Variants in MTMR8 observed in about 807,000 individuals in gnomAD.
MTMR8 encodes the protein phosphatidylinositol-3,5-bisphosphate 3-phosphatase MTMR8.
A neutral mutation model predicts 39.3 loss-of-function variants in MTMR8; 65 were observed. That is an observed-to-expected ratio of 1.65 (90% CI 1.35 to 2.03). The LOEUF (loss-of-function observed/expected upper bound fraction) is 2.03, where lower values mean the gene tolerates loss of function less well. Among genes scored for constraint, MTMR8 ranks in the 30% most tolerant of loss-of-function variants. The probability of loss-of-function intolerance (pLI) is 0.00; values close to 1 mark genes in which losing one functional copy is unlikely to be tolerated. For missense variants in MTMR8, 777 were observed against 538.9 expected, an observed-to-expected ratio of 1.44 and a Z score of -4.37; for synonymous variants, 245 against 185.2, an observed-to-expected ratio of 1.32 and a Z score of -2.62.
At chrX:64,285,387 C>A (rs979687896) in intron 12 of MTMR8, among the ~76,000 whole-genome samples, 2 of 111,132 alleles carry the variant, frequency 1.8e-5, no homozygotes, top group Non-Finnish European at 3.8e-5. Flanking sequence ...GACTTTAACA[C>A]CCCACTGTCA....
At chrX:64,386,836 G>T (rs1178117159) in intron 1 of MTMR8, among the ~76,000 whole-genome samples, 1 of 109,753 alleles carries the variant, frequency 9.1e-6, no homozygotes, top group Non-Finnish European at 1.9e-5. Context: ...TTGGGCCCAG[G>T]AGTTCAAGAC....
At chrX:64,308,405 G>A (rs1384995608) in intron 12 of MTMR8, among the ~76,000 whole-genome samples, 9 of 99,886 alleles carry the variant, frequency 9.0e-5, no homozygotes, top group African/African-American at 2.7e-4. Context: ...TCCTGACCTC[G>A]TGATCCACTG....
chrX:64,349,874 G>T, intron 5 of MTMR8, 68 bp downstream of exon 5: 1 of 945,349 alleles, frequency 1.1e-6, no homozygotes, highest in Non-Finnish European at 1.4e-6. Flanking sequence ...CTAAGTGGCA[G>T]CATGAAACTT....
chrX:64,300,203 G>A (rs1921802622), intron 12 of MTMR8, among the ~76,000 whole-genome samples: 3 of 108,484 alleles, frequency 2.8e-5, no homozygotes, highest in African/African-American at 1.0e-4. Context: ...CATTATTAAT[G>A]TGTGGGAGTC....
chrX:64,314,039 G>T (rs1278573966), intron 12 of MTMR8, among the ~76,000 whole-genome samples: 1 of 112,274 alleles, frequency 8.9e-6, no homozygotes, highest in Admixed American at 9.4e-5. Flanking sequence ...AAGATTTTAG[G>T]AGGCCAAGCC....
At chrX:64,359,958 CA>C (rs199603257) in intron 1 of MTMR8, among the ~76,000 whole-genome samples, 1,195 of 93,006 alleles carry the variant, frequency 0.013, 25 homozygotes, top group African/African-American at 0.044. Context: ...AAAAACAAAA[CA>C]AAAAAAAGGA....
rs1225821251 is a variant in MTMR8 at position 64,268,739 on chromosome X, C to A, written c.1913G>T (p.Gly638Val). Residue 638 changes from glycine (G) to valine (V), a missense_variant, in exon 14 of 14, where the codon GGA (glycine) becomes GTA (valine). Coordinates refer to ENST00000374852, the MANE Select transcript of MTMR8 (RefSeq NM_017677.4). Reference protein sequence around the residue: ...VGISEAMGISGDMCTFEATGF... With the variant: ...VGISEAMGISVDMCTFEATGF... ...CGTAGCCTCAAAGGTGCACATGTCT[C>A]CAGAGATGCCCATGGCCTCAGAGAT... 8 of 1,209,721 alleles carry A rather than the reference C, an allele frequency of 6.6e-6. No homozygotes were observed. The highest frequency in any genetic ancestry group is 3.4e-6 in the Non-Finnish European group (3 of 895,239).
chrX:64,292,742 G>A (rs752769721), intron 12 of MTMR8, among the ~76,000 whole-genome samples: 1 of 111,255 alleles, frequency 9.0e-6, no homozygotes, highest in East Asian at 2.8e-4. Flanking sequence ...GAATGAAAAA[G>A]GGGCTGCCTG....
At chrX:64,274,501 C>G (rs1931830285) in intron 12 of MTMR8, among the ~76,000 whole-genome samples, 1 of 111,562 alleles carries the variant, frequency 9.0e-6, no homozygotes, top group Non-Finnish European at 1.9e-5. Context: ...GAAAATGGTA[C>G]AGAGGTTTGA....
At chrX:64,378,784 A>G (rs1486269893) in intron 1 of MTMR8, among the ~76,000 whole-genome samples, 1 of 111,756 alleles carries the variant, frequency 8.9e-6, no homozygotes, top group African/African-American at 3.2e-5. Flanking sequence ...CTTCTGAAAT[A>G]TTATAGAGTA....
At chrX:64,352,591 C>T (rs753955811) in intron 4 of MTMR8, among the ~76,000 whole-genome samples, 1 of 111,351 alleles carries the variant, frequency 9.0e-6, no homozygotes, top group South Asian at 3.8e-4. Context: ...CACCATCTGC[C>T]CCTCTTCTTG....
rs200694091 is a variant in MTMR8, at chrX:64,354,833, G to A, written c.412C>T (p.Arg138Cys). The change falls in exon 4 of 14, where the codon CGT becomes TGT. Residue 138 changes from arginine (R) to cysteine (C), a missense_variant. Transcript: ENST00000374852. Reference protein sequence around the residue: ...KLIDPISDFGRMGIPNRNWTI... With the variant: ...KLIDPISDFGCMGIPNRNWTI... ...CAGTTTCTGTTGGGTATTCCCATAC[G>A]CCCAAAGTCTGATATTGGGTCAATC... 159 of 1,203,905 alleles carry A rather than the reference G, an allele frequency of 1.3e-4. No individual in the cohort carries two copies. The highest frequency in any genetic ancestry group is 9.0e-5 in the East Asian group (3 of 33,405).
At chrX:64,375,960 G>C (rs1471700325) in intron 1 of MTMR8, among the ~76,000 whole-genome samples, 1 of 111,176 alleles carries the variant, frequency 9.0e-6, no homozygotes, top group Non-Finnish European at 1.9e-5. Context: ...CACACGATCT[G>C]GTTGTTTAAA....
chrX:64,285,240 T>C (rs1257384224), intron 12 of MTMR8, among the ~76,000 whole-genome samples: 1 of 111,601 alleles, frequency 9.0e-6, no homozygotes, highest in African/African-American at 3.3e-5. Flanking sequence ...CATTACATAA[T>C]GGTAAAGGGA....
intron 11 of MTMR8, among the ~76,000 whole-genome samples, chrX:64,330,015 G>C (rs1342698132): frequency 8.9e-6 from 1 of 111,765 alleles, no homozygotes; most frequent in East Asian, 2.8e-4. Context: ...GTAGGTGAGA[G>C]AGCCAAAGTT....
At chrX:64,375,404 C>A (rs1286555694) in intron 1 of MTMR8, among the ~76,000 whole-genome samples, 1 of 110,469 alleles carries the variant, frequency 9.1e-6, no homozygotes, top group Non-Finnish European at 1.9e-5. Flanking sequence ...CATGCTTACA[C>A]TAATCAAAAT....
intron 12 of MTMR8, among the ~76,000 whole-genome samples, chrX:64,286,078 G>A (rs1201059406): frequency 2.7e-5 from 3 of 111,405 alleles, no homozygotes; most frequent in Non-Finnish European, 5.7e-5. Flanking sequence ...TAGACTGCCA[G>A]CAAGACTAAT....
At chrX:64,293,913 G>C (rs1186407499) in intron 12 of MTMR8, among the ~76,000 whole-genome samples, 1 of 111,827 alleles carries the variant, frequency 8.9e-6, no homozygotes, top group Non-Finnish European at 1.9e-5. Context: ...TCTTCAATCA[G>C]CTCGTAACTC....
intron 12 of MTMR8, among the ~76,000 whole-genome samples, chrX:64,295,243 C>CAA (rs1438325241): frequency 9.0e-6 from 1 of 110,637 alleles, no homozygotes; most frequent in Non-Finnish European, 1.9e-5. Flanking sequence ...GTTTCTGACA[C>CAA]ACACACACAC....
Sources: allele counts gnomAD v4.1 joint callset (sites outside exome capture counted in the v4.1 genomes callset), GRCh38; gene constraint gnomAD v4.1.1; transcripts MANE v1.5; gene names NCBI Gene and HGNC (gene_info 2026-07-23, HGNC 2026-07-21).